The following RAB3IP variants were observed in gnomAD, a reference collection of about 807,000 sequenced individuals.
RAB3IP encodes rab-3A-interacting protein.
A neutral mutation model predicts 59.1 loss-of-function variants in RAB3IP; 36 were observed. The observed-to-expected ratio is 0.61, with a 90% CI of 0.47 to 0.80. The LOEUF (loss-of-function observed/expected upper bound fraction) is 0.80. RAB3IP is among the 30% of genes least tolerant of loss of function. RAB3IP has a pLI of 0.00. For missense variants in RAB3IP, 511 were observed against 536.0 expected (o/e 0.95, Z 0.46); for synonymous variants, 207 against 191.2 (o/e 1.08, Z -0.68).
intron 3 of RAB3IP, chr12:69,779,263 C>T (rs2136189731): frequency 7.0e-6 from 1 of 143,016 alleles, no homozygotes; most frequent in South Asian, 2.4e-4. Context: ...ATGCCTCGCC[C>T]TGCTTCGGCT....
rs549741013 is a variant in RAB3IP, at chr12:69,756,508, T to C, written c.355T>C (p.Leu119=). ...KDNYNAEREF[L]QGATITEACD... is the part of the protein sequence containing the mutation. ...CAACTATAATGCAGAGAGAGAGTTT[T>C]TACAGGGTGCTACTATAACAGAGGC... The change falls in exon 3 of 11, where the codon TTA becomes CTA. Residue 119 remains leucine (L), a synonymous_variant. Transcript: ENST00000247833. 8 of 1,614,146 alleles carry C rather than the reference T, an allele frequency of 5.0e-6. No individual in the cohort carries two copies. The highest frequency in any genetic ancestry group is 6.8e-6 in the Non-Finnish European group (8 of 1,180,006).
chr12:69,790,951 C>T (rs543486404), intron 4 of RAB3IP, among the ~76,000 whole-genome samples: 7 of 152,174 alleles, frequency 4.6e-5, no homozygotes, highest in African/African-American at 1.7e-4. Flanking sequence ...AAGTACATGA[C>T]AAAGTTACAG....
At chr12:69,785,141 A>G (rs1381955816) in intron 4 of RAB3IP, 1 of 157,690 alleles carries the variant, frequency 6.3e-6, no homozygotes, top group Non-Finnish European at 1.4e-5. Flanking sequence ...TACAACTAAG[A>G]GGGCAAACTC....
At chr12:69,743,838 T>C (rs1887581494) in intron 1 of RAB3IP, among the ~76,000 whole-genome samples, 1 of 116,968 alleles carries the variant, frequency 8.5e-6, no homozygotes. Context: ...TTTACCGCTT[T>C]GCTATTCATT....
At chr12:69,805,275 A>G (rs1291262482) in intron 8 of RAB3IP, among the ~76,000 whole-genome samples, 10 of 151,990 alleles carry the variant, frequency 6.6e-5, no homozygotes. Context: ...ATGGGAGTTC[A>G]CTCATGATTT....
chr12:69,766,614 A>G (rs1355905586), intron 3 of RAB3IP, among the ~76,000 whole-genome samples: 1 of 151,172 alleles, frequency 6.6e-6, no homozygotes, highest in African/African-American at 2.4e-5. Flanking sequence ...TCCGCTTCCC[A>G]GGTTCAAGTG....
intron 3 of RAB3IP, among the ~76,000 whole-genome samples, chr12:69,770,828 G>A (rs569926019): frequency 2.0e-5 from 3 of 152,186 alleles, no homozygotes; most frequent in East Asian, 3.9e-4. Flanking sequence ...AGACTAATTA[G>A]CATTGCCATC....
chr12:69,799,327 G>C (rs73132916), intron 6 of RAB3IP, among the ~76,000 whole-genome samples: 32,395 of 152,178 alleles, frequency 0.21, 4,186 homozygotes, highest in Middle Eastern at 0.35. Flanking sequence ...GCTGTAGGAT[G>C]GGGGAGACTG....
intron 3 of RAB3IP, among the ~76,000 whole-genome samples, chr12:69,771,016 AC>A (rs1180546678): frequency 6.6e-6 from 1 of 151,516 alleles, no homozygotes; most frequent in Non-Finnish European, 1.5e-5. Flanking sequence ...ACTCCTCCCT[AC>A]TCTTCCCAGC....
intron 4 of RAB3IP, among the ~76,000 whole-genome samples, chr12:69,785,615 G>A (rs935428631): frequency 6.6e-6 from 1 of 152,148 alleles, no homozygotes; most frequent in African/African-American, 2.4e-5. Flanking sequence ...TGAGGGAGCG[G>A]CACCCTTTTT....
At chr12:69,785,654 A>G (rs189211532) in intron 4 of RAB3IP, among the ~76,000 whole-genome samples, 6 of 152,280 alleles carry the variant, frequency 3.9e-5, no homozygotes, top group Admixed American at 1.3e-4. Flanking sequence ...AACTGATTGG[A>G]TGAGGGTCAC....
At chr12:69,799,881 A>G (rs899733340) in intron 6 of RAB3IP, among the ~76,000 whole-genome samples, 2 of 152,082 alleles carry the variant, frequency 1.3e-5, no homozygotes, top group African/African-American at 4.8e-5. Flanking sequence ...TTTGGTGGGG[A>G]TGGGAGAAGG....
At chr12:69,807,408 T>C in intron 8 of RAB3IP, among the ~76,000 whole-genome samples, 1 of 127,232 alleles carries the variant, frequency 7.9e-6, no homozygotes, top group African/African-American at 3.1e-5. Context: ...GAGGCGCCCC[T>C]CACCTCCCAG....
At position 69,784,789 on chromosome 12, in the gene RAB3IP, G is replaced by T; in HGVS notation, c.580G>T (p.Glu194Ter). 1.9e-6 allele frequency: 3 copies of T among 1,609,972 alleles called. No homozygotes were observed. The highest frequency in any genetic ancestry group is 1.7e-6 in the Non-Finnish European group (2 of 1,177,296). ...KVRDQLGQEL[E>*]ELTASLFEEA... The stretch of plus-strand genomic sequence containing the variant: ...GCGAGATCAACTTGGACAGGAATTG[G>T]AAGAACTCACAGCTAGTCTATTTGA... Residue 194 changes from glutamate to a stop codon, truncating the protein, a stop_gained, in exon 4 of 11, where the codon GAA (glutamate) becomes TAA (stop). Coordinates refer to ENST00000247833, the MANE Select transcript of RAB3IP (RefSeq NM_022456.5). LOFTEE classifies it high-confidence loss of function.
intron 1 of RAB3IP, among the ~76,000 whole-genome samples, chr12:69,752,628 A>G (rs1869521149): frequency 6.6e-6 from 1 of 152,166 alleles, no homozygotes; most frequent in South Asian, 2.1e-4. Flanking sequence ...ATTTTCCTCC[A>G]TAGGATTTGT....
intron 3 of RAB3IP, among the ~76,000 whole-genome samples, chr12:69,764,501 A>G (rs998737610): frequency 6.6e-6 from 1 of 152,098 alleles, no homozygotes; most frequent in African/African-American, 2.4e-5. Context: ...CCATTAGTCT[A>G]TGTGTCTGTT....
At chr12:69,791,482 C>A (rs1876605269) in intron 4 of RAB3IP, among the ~76,000 whole-genome samples, 1 of 152,114 alleles carries the variant, frequency 6.6e-6, no homozygotes, top group Non-Finnish European at 1.5e-5. Flanking sequence ...TAGCAAAAAA[C>A]AACCCAATTG....
intron 1 of RAB3IP, among the ~76,000 whole-genome samples, chr12:69,749,007 C>G (rs1042362203): frequency 6.6e-6 from 1 of 152,124 alleles, no homozygotes; most frequent in Non-Finnish European, 1.5e-5. Context: ...AATGTATCCC[C>G]CAGAAGGGAA....
At chr12:69,759,711 C>G (rs1870936638) in intron 3 of RAB3IP, among the ~76,000 whole-genome samples, 2 of 150,412 alleles carry the variant, frequency 1.3e-5, no homozygotes, top group African/African-American at 4.9e-5. Flanking sequence ...GACCCCCCAC[C>G]TCCCTCCCGG....
Sources: allele counts gnomAD v4.1 joint callset (sites outside exome capture counted in the v4.1 genomes callset), GRCh38; gene constraint gnomAD v4.1.1; transcripts MANE v1.5; gene names NCBI Gene and HGNC (gene_info 2026-07-23, HGNC 2026-07-21).